Variants in METTL26 observed in about 807,000 individuals in gnomAD.
METTL26 encodes the protein methyltransferase-like 26.
In METTL26, 28 loss-of-function variants were observed where a neutral mutation model predicts 24.7. The ratio of observed to expected loss-of-function variants is 1.13; its 90% CI spans 0.84 to 1.55. The LOEUF is 1.55. METTL26 is among the 40% of genes most tolerant of loss of function. The pLI is 0.00. For missense variants in METTL26, 344 were observed against 281.2 expected, an observed-to-expected ratio of 1.22 and a Z score of -1.60; for synonymous variants, 165 against 125.2, an observed-to-expected ratio of 1.32 and a Z score of -2.12.
rs1024645244 is a variant in METTL26 at position 634,790 on chromosome 16, C to G, written c.496G>C (p.Glu166Gln). ...AGGGCTGTGTCCCGAAGCCCCCATT[C>G]TGGGTTCCTGCAGAGGGTGGGGAGA... Reference protein sequence around the residue: ...FDLMLRCRNPEWGLRDTALLE... With the variant: ...FDLMLRCRNPQWGLRDTALLE... The change falls in exon 5 of 6, where the codon GAA becomes CAA. Residue 166 changes from glutamate to glutamine, a missense_variant. Physicochemically the swap from Glu to Gln is conservative, Grantham distance 29. Transcript: ENST00000301686. 6.2e-7 allele frequency: 1 copy of G among 1,609,954 alleles called. No individual in the cohort carries two copies. Among genetic ancestry groups the G allele is most frequent in the South Asian group, 1.1e-5 (1 of 90,702 alleles).
chr16:635,224 C>A, intron 3 of METTL26, 57 bp downstream of exon 3: 1 of 1,520,486 alleles, frequency 6.6e-7, no homozygotes, highest in Non-Finnish European at 8.9e-7. Context: ...CTCAGCAGGG[C>A]AGGAGACAGC....
chr16:635,017 G>A (rs758712847), intron 3 of METTL26, 61 bp from the exon 4 acceptor site: 2 of 1,547,970 alleles, frequency 1.3e-6, no homozygotes, highest in South Asian at 2.4e-5. Context: ...GAGAGCCTGG[G>A]ACAGACTTGC....
At position 636,278 on chromosome 16, in the gene METTL26, C is replaced by T. The variant is rs2151093346; in HGVS notation, c.13G>A (p.Ala5Thr). The T allele has an allele frequency of 6.9e-7, 1 of 1,449,694 alleles. No homozygotes were observed. Among genetic ancestry groups the T allele is most frequent in the Non-Finnish European group, 9.0e-7 (1 of 1,107,220 alleles). The allele number at this position is 1,449,694 out of a possible 1,614,324, so 89.8% of individuals were successfully genotyped here. A position where few individuals can be genotyped will look rare whatever the true frequency, so the allele number is the denominator to read the frequency against. Residue 5 changes from alanine to threonine, a missense_variant, in exon 1 of 6, where the codon GCG (alanine) becomes ACG (threonine). Coordinates refer to ENST00000301686, the MANE Select transcript of METTL26 (RefSeq NM_032366.5). MLVA[A>T]AAERNKDPIL... is the part of the protein sequence containing the mutation. ...GGATCCTTGTTCCGCTCCGCGGCCGCCGCCACCAGCATCGCGGCAGCAACA... is the reference window on the plus strand; with the variant it reads ...GGATCCTTGTTCCGCTCCGCGGCCGTCGCCACCAGCATCGCGGCAGCAACA...
At chr16:635,259 C>G (rs372346583) in intron 3 of METTL26, 22 bp downstream of exon 3, 51 of 1,557,242 alleles carry the variant, frequency 3.3e-5, no homozygotes, top group Non-Finnish European at 4.5e-5. Flanking sequence ...GCGGGAGGCC[C>G]GCCGTGGACA....
chr16:636,217 G>A lies in METTL26; in HGVS notation c.74C>T (p.Ala25Val). Reference protein sequence around the residue: ...LHVLRQYLDPAQRGVRVLEVA... With the variant: ...LHVLRQYLDPVQRGVRVLEVA... ...CTCGAGGACGCGGACGCCACGCTGG[G>A]CCGGATCCAGGTACTGCCGCAGCAC... is the stretch of plus-strand genomic sequence containing the variant. The change falls in exon 1 of 6, where the codon GCC (alanine) becomes GTC (valine). Residue 25 changes from alanine (A) to valine (V), a missense_variant. Transcript: ENST00000301686. 6.7e-7 allele frequency: 1 copy of A among 1,490,972 alleles called. No homozygotes were observed. 92.4% of individuals were successfully genotyped at this position (1,490,972 alleles called of 1,614,324 possible). A position where few individuals can be genotyped will look rare whatever the true frequency, so the allele number is the denominator to read the frequency against.
chr16:636,148 GC>G lies in METTL26; in HGVS notation c.142del (p.Ala48ProfsTer29). The G allele has an allele frequency of 6.8e-7, 1 of 1,460,170 alleles. No individual in the cohort carries two copies. 90.5% of individuals were successfully genotyped at this position (1,460,170 alleles called of 1,614,324 possible). A position where few individuals can be genotyped will look rare whatever the true frequency, so the allele number is the denominator to read the frequency against. On this transcript the variant is annotated frameshift_variant, in exon 1 of 6. Coordinates refer to ENST00000301686, the MANE Select transcript of METTL26 (RefSeq NM_032366.5). LOFTEE classifies it high-confidence loss of function. ...SGQHAAHFAR[A>X]FPLAEWQPSD... ...CGGCTGCCACTCGGCCAGGGGGAAG[GC>G]CCGCGCGAAGTGCGCTGCGTGCTGG...
In METTL26 at chr16:635,702, G is replaced by GCCCCACGTC; in HGVS notation, c.261_269dup (p.Thr88_Gly90dup). The stretch of plus-strand genomic sequence containing the variant: ...GCAGGATCCCGCCCCAGTGCTCCCA[G>GCCCCACGTC]CCCCACGTCACGTCCAGGTGTAGCG... On this transcript the variant is annotated inframe_insertion, in exon 2 of 6. Coordinates refer to ENST00000301686, the MANE Select transcript of METTL26 (RefSeq NM_032366.5). 6.4e-7 allele frequency: 1 copy of GCCCCACGTC among 1,565,236 alleles called. No homozygotes were observed. The highest frequency in any genetic ancestry group is 8.7e-7 in the Non-Finnish European group (1 of 1,156,036).
At chr16:636,024 G>A in intron 1 of METTL26, 70 bp downstream of exon 1, 1 of 1,441,676 alleles carries the variant, frequency 6.9e-7, no homozygotes, top group Non-Finnish European at 9.1e-7. Flanking sequence ...TTCCTCCGGG[G>A]CTGCGGGCCG....
rs1380049753 is a variant in METTL26, at chr16:635,651, G to A, written c.321C>T (p.Cys107=). ...ILPQSLDLLL[C]INMAHVSPLR... ...GGGGGCTGACATGGGCCATGTTGAT[G>A]CAGAGCAACAGGTCCAGCGACTGTG... is the stretch of plus-strand genomic sequence containing the variant. The change falls in exon 2 of 6, where the codon TGC becomes TGT. Residue 107 remains cysteine, a synonymous_variant. Transcript: ENST00000301686. 2 of 1,551,288 alleles carry A rather than the reference G, an allele frequency of 1.3e-6. No homozygotes were observed. The highest frequency in any genetic ancestry group is 1.2e-5 in the South Asian group (1 of 84,146).
rs1233883527 is a variant in METTL26, at chr16:634,481, G to A, written c.*116C>T. The A allele has an allele frequency of 1.1e-5, 17 of 1,588,874 alleles. No homozygotes were observed. The highest frequency in any genetic ancestry group is 4.0e-5 in the African/African-American group (3 of 74,398). ...AGCAGGCTGGGCCCTTCGGCCAGCG[G>A]CTGAGAGCACAGACTGGGTGGGGCT... On this transcript the variant is annotated 3_prime_UTR_variant, in exon 6 of 6. Transcript: ENST00000301686.
rs1008249136 is a variant in METTL26, at chr16:634,892, C to T, written c.485G>A (p.Cys162Tyr). The change falls in exon 4 of 6, where the codon TGC becomes TAC. Residue 162 changes from cysteine (C) to tyrosine (Y), a missense_variant. By Grantham distance (194) the Cys-to-Tyr change is radical. Coordinates refer to ENST00000301686, the MANE Select transcript of METTL26 (RefSeq NM_032366.5). ...ACCCCCCGCCTCTAGCTCTGACCTG[C>T]ATCTGAGCATCAGGTCAAAGTCCAC... ...SNVDFDLMLR[C>Y]RNPEWGLRDT... 2.2e-5 allele frequency: 35 copies of T among 1,600,946 alleles called. No individual in the cohort carries two copies. The highest frequency in any genetic ancestry group is 2.8e-5 in the Non-Finnish European group (33 of 1,174,112).
intron 1 of METTL26, 80 bp from the exon 2 acceptor site, chr16:635,854 AGGCTGGGG>A (rs1360168531): frequency 6.9e-7 from 1 of 1,453,026 alleles, no homozygotes; most frequent in African/African-American, 1.4e-5. Flanking sequence ...TTCTTAGGGG[AGGCTGGGG>A]GGCACGTTGA....
At chr16:636,003 G>A in intron 1 of METTL26, 91 bp downstream of exon 1, 1 of 1,436,804 alleles carries the variant, frequency 7.0e-7, no homozygotes, top group East Asian at 2.6e-5. Context: ...CAGAGCCCGA[G>A]CCGCATCCTT....
In METTL26 at chr16:635,600, C is replaced by T. The variant is rs1596439667; in HGVS notation, c.360+12G>A. 3 of 1,548,654 alleles carry T rather than the reference C, an allele frequency of 1.9e-6. No homozygotes were observed. Among genetic ancestry groups the T allele is most frequent in the South Asian group, 1.2e-5 (1 of 84,064 alleles). ...TGCCACGGCAGACACCCATGCTGGGCTCCCCACAGACCTCCGTGCAGCGCA... is the reference window on the plus strand; with the variant it reads ...TGCCACGGCAGACACCCATGCTGGGTTCCCCACAGACCTCCGTGCAGCGCA... On this transcript the variant is annotated intron_variant, in intron 2 of 5. Coordinates refer to ENST00000301686, the MANE Select transcript of METTL26 (RefSeq NM_032366.5).
chr16:635,142 G>T, intron 3 of METTL26, 139 bp downstream of exon 3: 9 of 1,481,358 alleles, frequency 6.1e-6, no homozygotes, highest in South Asian at 2.6e-5. Flanking sequence ...CCAGGGAGGG[G>T]TACAGACTGG....
In METTL26 at chr16:636,144, G is replaced by A. The variant is rs1202458719; in HGVS notation, c.147C>T (p.Phe49=). 3.4e-6 allele frequency: 5 copies of A among 1,456,718 alleles called. No homozygotes were observed. The South Asian group carries it at 6.7e-5, about 20-fold the overall frequency. 90.2% of individuals were successfully genotyped at this position (1,456,718 alleles called of 1,614,324 possible). A position where few individuals can be genotyped will look rare whatever the true frequency, so the allele number is the denominator to read the frequency against. The change falls in exon 1 of 6, where the codon TTC becomes TTT. Residue 49 remains phenylalanine, a synonymous_variant. Coordinates refer to ENST00000301686, the MANE Select transcript of METTL26 (RefSeq NM_032366.5). ...CCGACGGCTGCCACTCGGCCAGGGGGAAGGCCCGCGCGAAGTGCGCTGCGT... is the reference window on the plus strand; with the variant it reads ...CCGACGGCTGCCACTCGGCCAGGGGAAAGGCCCGCGCGAAGTGCGCTGCGT... ...GQHAAHFARA[F]PLAEWQPSDV...
In METTL26 at chr16:634,873, C is replaced by T. The variant is rs761292163; in HGVS notation, c.488+16G>A. The stretch of plus-strand genomic sequence containing the variant: ...CACCTGCCACCTGAGCCAGACCCCC[C>T]GCCTCTAGCTCTGACCTGCATCTGA... On this transcript the variant is annotated intron_variant, in intron 4 of 5. Coordinates refer to ENST00000301686, the MANE Select transcript of METTL26 (RefSeq NM_032366.5). The T allele has an allele frequency of 3.7e-5, 58 of 1,578,456 alleles. No homozygotes were observed. Among genetic ancestry groups the T allele is most frequent in the East Asian group, 2.8e-4 (12 of 43,332 alleles).
At position 634,943 on chromosome 16, in the gene METTL26, T is replaced by C. The variant is rs2151089321; in HGVS notation, c.434A>G (p.Asn145Ser). The C allele has an allele frequency of 3.1e-6, 5 of 1,605,502 alleles. No homozygotes were observed. The East Asian group carries it at 6.7e-5, about 22-fold the overall frequency. The change falls in exon 4 of 6, where the codon AAT becomes AGT. Residue 145 changes from asparagine to serine, a missense_variant. By Grantham distance (46) the Asn-to-Ser change is conservative. Coordinates refer to ENST00000301686, the MANE Select transcript of METTL26 (RefSeq NM_032366.5). ...LLITYGPYAI[N>S]GKISPQSNVD... Reference sequence around the variant, plus strand: ...GTTGCTCTGGGGGGAGATCTTCCCATTGATGGCATAGGGCTGTGGGCATGG... The same window carrying C: ...GTTGCTCTGGGGGGAGATCTTCCCACTGATGGCATAGGGCTGTGGGCATGG...
Position 636,218 on chromosome 16 carries a change from C to A in METTL26, c.73G>T (p.Ala25Ser). The change falls in exon 1 of 6, where the codon GCC (alanine) becomes TCC (serine). Residue 25 changes from alanine (A) to serine (S), a missense_variant. Transcript: ENST00000301686. Reference protein sequence around the residue: ...LHVLRQYLDPAQRGVRVLEVA... With the variant: ...LHVLRQYLDPSQRGVRVLEVA... ...TCGAGGACGCGGACGCCACGCTGGG[C>A]CGGATCCAGGTACTGCCGCAGCACG... 6.7e-7 allele frequency: 1 copy of A among 1,490,680 alleles called. No homozygotes were observed. The highest frequency in any genetic ancestry group is 8.9e-7 in the Non-Finnish European group (1 of 1,126,574). 92.3% of individuals were successfully genotyped at this position (1,490,680 alleles called of 1,614,324 possible).
Sources: allele counts gnomAD v4.1 joint callset, GRCh38; gene constraint gnomAD v4.1.1; transcripts MANE v1.5; gene names NCBI Gene and HGNC (gene_info 2026-07-23, HGNC 2026-07-21).